UNC5C: variants seen among roughly 807,000 people sequenced by gnomAD.
The protein encoded by UNC5C is unc-5 netrin receptor C, also known as netrin receptor UNC5C.
Under a neutral mutation model 99.8 loss-of-function variants are expected in UNC5C, and 47 were observed. The ratio of observed to expected loss-of-function variants is 0.47; its 90% CI spans 0.37 to 0.60. UNC5C has a LOEUF of 0.60. Ranked by LOEUF, UNC5C falls within the 20% of genes least tolerant of loss-of-function variation. UNC5C has a pLI of 0.00. For missense variants in UNC5C, 1,062 were observed against 1,165.9 expected, an observed-to-expected ratio of 0.91 and a Z score of 1.30; for synonymous variants, 487 against 452.2, an observed-to-expected ratio of 1.08 and a Z score of -0.98.
intron 12 of UNC5C, among the ~76,000 whole-genome samples, chr4:95,197,602 G>A (rs965166846): frequency 4.6e-5 from 7 of 152,092 alleles, no homozygotes; most frequent in Non-Finnish European, 1.0e-4. Flanking sequence ...TGCTAGGCAA[G>A]ATGCGGGCTT....
Position 95,206,747 on chromosome 4 carries a change from C to T in UNC5C, c.1783G>A (p.Gly595Arg). 3 of 1,613,410 alleles carry T rather than the reference C, an allele frequency of 1.9e-6. No individual in the cohort carries two copies. The highest frequency in any genetic ancestry group is 2.5e-6 in the Non-Finnish European group (3 of 1,179,710). The part of the protein sequence containing the change: ...QTLLTPVVSC[G>R]PPGALLTRPV... ...CGGGTGAGCAGAGCTCCTGGGGGCCCACAGCTCACCACAGGGGTCAAAAGT... is the reference window on the plus strand; with the variant it reads ...CGGGTGAGCAGAGCTCCTGGGGGCCTACAGCTCACCACAGGGGTCAAAAGT... The change falls in exon 11 of 16, where the codon GGG becomes AGG. Residue 595 changes from glycine to arginine, a missense_variant. Coordinates refer to ENST00000453304, the MANE Select transcript of UNC5C (RefSeq NM_003728.4).
intron 1 of UNC5C, among the ~76,000 whole-genome samples, chr4:95,389,559 A>G (rs10021468): frequency 6.6e-6 from 1 of 151,912 alleles, no homozygotes; most frequent in Non-Finnish European, 1.5e-5. Flanking sequence ...CTGAATTTTT[A>G]ATTTTAATTT....
intron 7 of UNC5C, among the ~76,000 whole-genome samples, chr4:95,224,321 A>C (rs1365879147): frequency 6.6e-6 from 1 of 152,164 alleles, no homozygotes; most frequent in Non-Finnish European, 1.5e-5. Context: ...TCCTGCTTGA[A>C]TAAGCAGAAG....
At chr4:95,328,868 G>T (rs1743005429) in intron 2 of UNC5C, among the ~76,000 whole-genome samples, 1 of 152,158 alleles carries the variant, frequency 6.6e-6, no homozygotes, top group African/African-American at 2.4e-5. Context: ...ACTGCTGCAG[G>T]CTGGTAAAGG....
At chr4:95,357,000 C>G (rs182664775) in intron 1 of UNC5C, among the ~76,000 whole-genome samples, 11 of 152,268 alleles carry the variant, frequency 7.2e-5, no homozygotes, top group Admixed American at 1.3e-4. Flanking sequence ...TTTCATGGCT[C>G]TGCTATGTAT....
intron 1 of UNC5C, among the ~76,000 whole-genome samples, chr4:95,521,608 C>T (rs1994292): frequency 0.26 from 39,425 of 152,018 alleles, 6,266 homozygotes; most frequent in Non-Finnish European, 0.35. Flanking sequence ...AAAGACCCCA[C>T]ATCCAAATAC....
rs567243728 is a variant in UNC5C at position 95,255,792 on chromosome 4, C to A, written c.595-5125G>T. 4.6e-5 allele frequency among the ~76,000 whole-genome samples: 7 copies of A among 152,112 alleles called. No homozygotes were observed. In the South Asian group the frequency reaches 1.2e-3, roughly 27 times the overall value. On this transcript the variant is annotated intron_variant, in intron 4 of 15. Transcript: ENST00000453304. ...AACTTAGAACAAAAACCCTTCTCACCCGTTTCTGCCTCTACTCACCCCCCG... is the reference window on the plus strand; with the variant it reads ...AACTTAGAACAAAAACCCTTCTCACACGTTTCTGCCTCTACTCACCCCCCG...
intron 1 of UNC5C, among the ~76,000 whole-genome samples, chr4:95,438,779 T>C (rs2629839): frequency 0.95 from 143,936 of 151,982 alleles, 68,240 homozygotes; most frequent in East Asian, 1. Flanking sequence ...ATATAAAATA[T>C]TGTGTGTGCA....
chr4:95,166,544 A>G lies in UNC5C; in HGVS notation c.*2690T>C, dbSNP rs1347444910. 1 of 152,180 alleles carries G rather than the reference A, an allele frequency of 6.6e-6. No individual in the cohort carries two copies. Among genetic ancestry groups the G allele is most frequent in the Admixed American group, 6.5e-5 (1 of 15,274 alleles). The allele number at this position is 152,180 out of a possible 1,614,324, so 9.4% of individuals were successfully genotyped here. The stretch of plus-strand genomic sequence containing the variant: ...AGACAAACAATTCCTGTTTGTGTTC[A>G]ATAGTTCTGTGTTGGTGACTTTTTA... On this transcript the variant is annotated 3_prime_UTR_variant, in exon 16 of 16. Coordinates refer to ENST00000453304, the MANE Select transcript of UNC5C (RefSeq NM_003728.4).
intron 1 of UNC5C, among the ~76,000 whole-genome samples, chr4:95,514,013 C>T (rs1032112490): frequency 6.6e-6 from 1 of 152,160 alleles, no homozygotes; most frequent in Non-Finnish European, 1.5e-5. Flanking sequence ...ACTTCAGAAT[C>T]AATATCAAAT....
intron 1 of UNC5C, among the ~76,000 whole-genome samples, chr4:95,401,748 G>T (rs993246771): frequency 3.7e-4 from 57 of 152,318 alleles, no homozygotes; most frequent in African/African-American, 1.2e-3. Context: ...GAGCCCGAAG[G>T]AGGTGAGACT....
intron 1 of UNC5C, among the ~76,000 whole-genome samples, chr4:95,397,699 T>A (rs1230024425): frequency 6.6e-6 from 1 of 152,194 alleles, no homozygotes; most frequent in Non-Finnish European, 1.5e-5. Context: ...GCCAATACCA[T>A]CCTTAAAATT....
At position 95,169,143 on chromosome 4, in the gene UNC5C, C is replaced by T; in HGVS notation, c.*91G>A. On this transcript the variant is annotated 3_prime_UTR_variant, in exon 16 of 16. Coordinates refer to ENST00000453304, the MANE Select transcript of UNC5C (RefSeq NM_003728.4). ...TCTTGCCTGTGAAGTGCATTGGTCT[C>T]ATCTGGATTTCCTCCTCAGCTGTGA... 1 of 1,531,952 alleles carries T rather than the reference C, an allele frequency of 6.5e-7. No homozygotes were observed. The highest frequency in any genetic ancestry group is 1.2e-5 in the South Asian group (1 of 81,604). The allele number at this position is 1,531,952 out of a possible 1,614,324, so 94.9% of individuals were successfully genotyped here.
chr4:95,299,340 T>G (rs184002289), intron 3 of UNC5C, among the ~76,000 whole-genome samples: 88 of 152,174 alleles, frequency 5.8e-4, no homozygotes, highest in South Asian at 4.1e-3. Flanking sequence ...GCTGACACCT[T>G]GAGATTGCAC....
intron 1 of UNC5C, among the ~76,000 whole-genome samples, chr4:95,537,949 G>C (rs1316443587): frequency 6.6e-6 from 1 of 152,162 alleles, no homozygotes; most frequent in Non-Finnish European, 1.5e-5. Flanking sequence ...TCTCAAAGTA[G>C]CTCATGTTAA....
At chr4:95,202,309 C>T (rs932860848) in intron 12 of UNC5C, among the ~76,000 whole-genome samples, 10 of 152,274 alleles carry the variant, frequency 6.6e-5, no homozygotes, top group Admixed American at 2.0e-4. Context: ...AATGCTAACC[C>T]GCTCCTTCAC....
At chr4:95,425,502 T>G (rs1746455059) in intron 1 of UNC5C, among the ~76,000 whole-genome samples, 1 of 152,126 alleles carries the variant, frequency 6.6e-6, no homozygotes, top group Non-Finnish European at 1.5e-5. Context: ...TTTTGTATTT[T>G]CAGTAGAGAC....
chr4:95,483,710 G>A (rs1721242727), intron 1 of UNC5C, among the ~76,000 whole-genome samples: 1 of 151,900 alleles, frequency 6.6e-6, no homozygotes, highest in South Asian at 2.1e-4. Context: ...TCTTAATAGA[G>A]TAGCTGTTCC....
chr4:95,483,060 T>TAA (rs70948417), intron 1 of UNC5C, among the ~76,000 whole-genome samples: 4 of 142,800 alleles, frequency 2.8e-5, no homozygotes, highest in African/African-American at 1.0e-4. Flanking sequence ...CATGCAGTAA[T>TAA]AAAAAAAAAA....
Sources: allele counts gnomAD v4.1 joint callset (sites outside exome capture counted in the v4.1 genomes callset), GRCh38; gene constraint gnomAD v4.1.1; transcripts MANE v1.5; gene names NCBI Gene and HGNC (gene_info 2026-07-23, HGNC 2026-07-21).